The following NR3C2 variants were observed in gnomAD, a reference collection of about 807,000 sequenced individuals.
NR3C2 encodes nuclear receptor subfamily 3 group C member 2, also known as mineralocorticoid receptor.
A neutral mutation model predicts 86.4 loss-of-function variants in NR3C2; 15 were observed. The ratio of observed to expected loss-of-function variants is 0.17; its 90% confidence interval spans 0.12 to 0.27. The LOEUF is 0.27. Among genes scored for constraint, NR3C2 ranks in the 10% least tolerant of loss-of-function variants. The probability of loss-of-function intolerance (pLI) is 1.00; values close to 1 mark genes in which losing one functional copy is unlikely to be tolerated. For synonymous variants in NR3C2, 458 were observed against 450.5 expected (o/e 1.02, Z -0.21); for missense variants, 960 against 1,195.6 (o/e 0.80, Z 2.91).
At chr4:148,278,359 C>T (rs1358676688) in intron 2 of NR3C2, among the ~76,000 whole-genome samples, 2 of 152,138 alleles carry the variant, frequency 1.3e-5, no homozygotes, top group African/African-American at 2.4e-5. Context: ...CTTGGACTCC[C>T]AACATGCTAG....
intron 4 of NR3C2, among the ~76,000 whole-genome samples, chr4:148,177,881 C>A (rs922610990): frequency 6.6e-6 from 1 of 152,266 alleles, no homozygotes; most frequent in African/African-American, 2.4e-5. Context: ...TAACAGAGAA[C>A]AATTTAGTTA....
rs35633620 is a variant in NR3C2 at position 148,304,328 on chromosome 4, CTTTTTTTTTTTT to C, written c.1758-44223_1758-44212del. ...GGCAAAAGGGTAAAAGTTGTTGTTG[CTTTTTTTTTTTT>C]TTTTTTTTTTTTAACCAGTTGGGCT... On this transcript the variant is annotated intron_variant, in intron 2 of 8. Transcript: ENST00000358102. 4.7e-4 allele frequency among the ~76,000 whole-genome samples: 39 copies of C among 83,860 alleles called. 1 individual carries two copies. The highest frequency in any genetic ancestry group is 1.7e-3 in the African/African-American group (39 of 22,528). 55.0% of individuals were successfully genotyped at this position (83,860 alleles called of 152,430 possible). A position where few individuals can be genotyped will look rare whatever the true frequency, so the allele number is the denominator to read the frequency against.
In NR3C2 at chr4:148,224,983, T is replaced by C. The variant is rs543355734; in HGVS notation, c.1898-30121A>G. Among the ~76,000 whole-genome samples, 4 of 152,316 alleles carry C rather than the reference T, an allele frequency of 2.6e-5. No homozygotes were observed. The South Asian group carries it at 8.3e-4, about 32-fold the overall frequency. On this transcript the variant is annotated intron_variant, in intron 3 of 8. Transcript: ENST00000358102. Reference sequence around the variant, plus strand: ...TTCTGCTGCAGCAAGGCAAAACTGATGAACAAAGAGCAGCTTATTATTAGG... The same window carrying C: ...TTCTGCTGCAGCAAGGCAAAACTGACGAACAAAGAGCAGCTTATTATTAGG...
chr4:148,154,611 G>GTCAA lies in NR3C2; in HGVS notation c.2304_2305insTTGA (p.Asn770ThrfsTer23). ...ATCTGTTTGCCTGCTAAGCGGTTGA[G>GTCAA]CGTGGAGAGCAGATTTTCGGCTGTA... On this transcript the variant is annotated frameshift_variant, in exon 5 of 9. Coordinates refer to ENST00000358102, the MANE Select transcript of NR3C2 (RefSeq NM_000901.5). LOFTEE classifies it high-confidence loss of function. 6.2e-7 allele frequency: 1 copy of GTCAA among 1,614,198 alleles called. No homozygotes were observed. Among genetic ancestry groups the GTCAA allele is most frequent in the Non-Finnish European group, 8.5e-7 (1 of 1,180,028 alleles).
At chr4:148,275,801 C>A (rs1001973023) in intron 2 of NR3C2, among the ~76,000 whole-genome samples, 1 of 152,078 alleles carries the variant, frequency 6.6e-6, no homozygotes, top group Admixed American at 6.6e-5. Flanking sequence ...ATATGCTATA[C>A]AACCATCAGG....
chr4:148,302,934 A>G (rs1358796116), intron 2 of NR3C2, among the ~76,000 whole-genome samples: 2 of 152,112 alleles, frequency 1.3e-5, no homozygotes, highest in African/African-American at 4.8e-5. Flanking sequence ...AGTTTACCCA[A>G]TTCACAGGTA....
At chr4:148,407,781 T>C (rs72658635) in intron 2 of NR3C2, among the ~76,000 whole-genome samples, 25 of 152,196 alleles carry the variant, frequency 1.6e-4, no homozygotes, top group Non-Finnish European at 2.6e-4. Flanking sequence ...TTTAGTCTTA[T>C]TGAAGTACTG....
intron 2 of NR3C2, among the ~76,000 whole-genome samples, chr4:148,260,647 G>A (rs536480935): frequency 2.0e-5 from 3 of 151,938 alleles, no homozygotes; most frequent in South Asian, 2.1e-4. Flanking sequence ...CTAAGCTCCC[G>A]CATTTTTTCA....
chr4:148,373,153 A>T (rs1005883934), intron 2 of NR3C2, among the ~76,000 whole-genome samples: 10 of 152,188 alleles, frequency 6.6e-5, no homozygotes, highest in African/African-American at 2.4e-4. Flanking sequence ...CCACTAAGAT[A>T]TTCAACCCTC....
chr4:148,334,939 A>T (rs1036759912), intron 2 of NR3C2, among the ~76,000 whole-genome samples: 1 of 151,382 alleles, frequency 6.6e-6, no homozygotes, highest in African/African-American at 2.4e-5. Flanking sequence ...CTGCTGCATC[A>T]CTCTAATCTC....
At chr4:148,440,571 C>A (rs539438851) in intron 1 of NR3C2, among the ~76,000 whole-genome samples, 1 of 152,222 alleles carries the variant, frequency 6.6e-6, no homozygotes, top group South Asian at 2.1e-4. Context: ...TCTCTTAGGA[C>A]AAATGCAAAA....
At chr4:148,334,210 CA>C (rs1300700020) in intron 2 of NR3C2, among the ~76,000 whole-genome samples, 25 of 152,194 alleles carry the variant, frequency 1.6e-4, no homozygotes, top group Non-Finnish European at 2.6e-4. Context: ...CAAAAGCACA[CA>C]AAAAAATTTG....
chr4:148,421,695 A>T (rs1749287685), intron 2 of NR3C2, among the ~76,000 whole-genome samples: 1 of 151,680 alleles, frequency 6.6e-6, no homozygotes, highest in African/African-American at 2.4e-5. Flanking sequence ...TTTCATTAAA[A>T]CTCTCAGAAT....
rs200829719 is a variant in NR3C2 at position 148,370,373 on chromosome 4, T to TA, written c.1757+64730dup. ...CACATCAGTTAGGATAATTCAACAG[T>TA]AAAAAAAAAATACTAAGCAAGGAGA... On this transcript the variant is annotated intron_variant, in intron 2 of 8. Coordinates refer to ENST00000358102, the MANE Select transcript of NR3C2 (RefSeq NM_000901.5). Among the ~76,000 whole-genome samples the TA allele has an allele frequency of 2.8e-3, 426 of 151,116 alleles. 2 individuals are homozygous for TA. Among genetic ancestry groups the TA allele is most frequent in the African/African-American group, 8.7e-3 (359 of 41,218 alleles).
At chr4:148,270,460 A>G (rs902473812) in intron 2 of NR3C2, among the ~76,000 whole-genome samples, 1 of 152,204 alleles carries the variant, frequency 6.6e-6, no homozygotes, top group Non-Finnish European at 1.5e-5. Context: ...CATTCTAAAA[A>G]TCTATAAATA....
intron 2 of NR3C2, among the ~76,000 whole-genome samples, chr4:148,334,559 C>A (rs1325195909): frequency 2.6e-5 from 4 of 152,018 alleles, no homozygotes; most frequent in African/African-American, 9.7e-5. Context: ...AACAAACAAA[C>A]AAAAAAACTT....
At chr4:148,259,679 T>C (rs1740000884) in intron 3 of NR3C2, among the ~76,000 whole-genome samples, 1 of 152,184 alleles carries the variant, frequency 6.6e-6, no homozygotes. Flanking sequence ...ATCACATAAA[T>C]TAAATTTACA....
chr4:148,424,083 G>T (rs1749413523), intron 2 of NR3C2, among the ~76,000 whole-genome samples: 1 of 152,090 alleles, frequency 6.6e-6, no homozygotes, highest in African/African-American at 2.4e-5. Context: ...TTTACAATAA[G>T]GTACATTGAT....
At position 148,387,792 on chromosome 4, in the gene NR3C2, A is replaced by T. The variant is rs72656895; in HGVS notation, c.1757+47312T>A. Among the ~76,000 whole-genome samples, 243 of 152,340 alleles carry T rather than the reference A, an allele frequency of 1.6e-3. 1 individual carries two copies. The highest frequency in any genetic ancestry group is 3.0e-3 in the Non-Finnish European group (204 of 68,034). ...AGTGACAGCATCATCCAATATATGA[A>T]CTAGGCATGTTGTTTTCCCAGAAGG... On this transcript the variant is annotated intron_variant, in intron 2 of 8. Coordinates refer to ENST00000358102, the MANE Select transcript of NR3C2 (RefSeq NM_000901.5).
Sources: gnomAD v4.1 joint callset for allele counts (sites outside exome capture counted in the v4.1 genomes callset) on GRCh38, gnomAD v4.1.1 for gene constraint, MANE v1.5 for transcripts, NCBI Gene and HGNC (gene_info 2026-07-23, HGNC 2026-07-21) for gene names.